CNIH3: variants seen among roughly 807,000 people sequenced by gnomAD.
CNIH3 encodes cornichon family AMPA receptor auxiliary protein 3.
A neutral mutation model predicts 24.1 loss-of-function variants in CNIH3; 14 were observed. The observed-to-expected ratio is 0.58, with a 90% CI of 0.38 to 0.91. The LOEUF is 0.91. Ranked by LOEUF, CNIH3 falls within the 40% of genes least tolerant of loss-of-function variation. CNIH3 has a pLI of 0.00. For missense variants in CNIH3, 178 were observed against 196.8 expected (o/e 0.90, Z 0.57); for synonymous variants, 68 against 73.8 (o/e 0.92, Z 0.40).
At chr1:224,515,100 G>A (rs538994474), upstream of CNIH3, among the ~76,000 whole-genome samples, 1 of 152,322 alleles carries the variant, frequency 6.6e-6, no homozygotes, top group East Asian at 1.9e-4. Flanking sequence ...AGTAGGCAGT[G>A]CCCACTTTTA....
intron 3 of CNIH3, among the ~76,000 whole-genome samples, chr1:224,695,181 C>T (rs146987833): frequency 7.2e-4 from 109 of 152,310 alleles, no homozygotes; most frequent in African/African-American, 2.5e-3. Flanking sequence ...CTTACTGGAG[C>T]AGAAAGACTG....
intron 1 of CNIH3, among the ~76,000 whole-genome samples, chr1:224,630,975 A>G (rs1428044635): frequency 6.6e-6 from 1 of 152,098 alleles, no homozygotes; most frequent in African/African-American, 2.4e-5. Context: ...CCTGGCCAAC[A>G]TGGTGAAGCC....
rs1467846966 is a variant in CNIH3 at position 224,729,756 on chromosome 1, A to ACCACACAAAC, written c.199-704_199-703insACACAAACCC. On this transcript the variant is annotated intron_variant, in intron 3 of 5. Transcript: ENST00000272133. ...TTTTAAGCTCCTTTTACCCATTTAT[A>ACCACACAAAC]CCTGTGTGGCTGGATTGGAGGTGGG... 2.6e-5 allele frequency among the ~76,000 whole-genome samples: 4 copies of ACCACACAAAC among 152,204 alleles called. No homozygotes were observed. In the East Asian group the frequency reaches 7.7e-4, roughly 29 times the overall value.
intron 2 of CNIH3, among the ~76,000 whole-genome samples, chr1:224,682,583 G>A (rs765449817): frequency 1.3e-5 from 2 of 152,178 alleles, no homozygotes; most frequent in Non-Finnish European, 2.9e-5. Context: ...AATCCATTTT[G>A]TTTCCATCTA....
At chr1:224,508,390 A>G (rs1259271560) in intron 1 of CNIH3, among the ~76,000 whole-genome samples, 1 of 152,130 alleles carries the variant, frequency 6.6e-6, no homozygotes, top group African/African-American at 2.4e-5. Flanking sequence ...GCACAGTTGG[A>G]TTTTATACTG....
intron 5 of CNIH3, among the ~76,000 whole-genome samples, chr1:224,735,446 C>T (rs1054509381): frequency 1.3e-5 from 2 of 152,056 alleles, no homozygotes; most frequent in Non-Finnish European, 2.9e-5. Flanking sequence ...GGGACTCTCA[C>T]CTGTCACTTG....
Position 224,498,633 on chromosome 1 carries a change from A to G in CNIH3, n.204-17108A>G, listed in dbSNP as rs1677529197. ...TACAAAAACAGGAAGCTGGCAGTGA[A>G]AGCTATTGGAATTATGTAAATGAAA... On this transcript the variant is annotated intron_variant and non_coding_transcript_variant, in intron 1 of 5. Coordinates refer to the CNIH3 transcript ENST00000471578. Among the ~76,000 whole-genome samples, 4 of 152,194 alleles carry G rather than the reference A, an allele frequency of 2.6e-5. No individual in the cohort carries two copies. In the South Asian group the frequency reaches 8.3e-4, roughly 31 times the overall value.
intron 1 of CNIH3, among the ~76,000 whole-genome samples, chr1:224,504,313 GTCA>G (rs1335799655): frequency 2.0e-5 from 3 of 152,190 alleles, no homozygotes; most frequent in Non-Finnish European, 2.9e-5. Context: ...GTTACCCATT[GTCA>G]TCATCAAATG....
In CNIH3 at chr1:224,730,832, A is replaced by G. The variant is rs563735720; in HGVS notation, c.311+258A>G. On this transcript the variant is annotated intron_variant, in intron 4 of 5. Transcript: ENST00000272133. ...TAAAAGCATCTATAGTTGCATTCAC[A>G]ACAGCCAAAGAGTGGAACCAACCCA... Among the ~76,000 whole-genome samples the G allele has an allele frequency of 4.1e-4, 63 of 152,358 alleles. 1 individual carries two copies. In the South Asian group the frequency reaches 0.012, roughly 30 times the overall value.
intron 5 of CNIH3, among the ~76,000 whole-genome samples, chr1:224,738,877 GTGA>G (rs1424548121): frequency 2.0e-5 from 3 of 152,256 alleles, no homozygotes; most frequent in African/African-American, 7.2e-5. Flanking sequence ...CTTTGCAGTA[GTGA>G]TGATGATCTT....
chr1:224,643,707 G>A (rs753681729), intron 1 of CNIH3, among the ~76,000 whole-genome samples: 1 of 152,180 alleles, frequency 6.6e-6, no homozygotes, highest in Non-Finnish European at 1.5e-5. Flanking sequence ...AAAAAAAGTG[G>A]GGAACAGGGA....
intron 1 of CNIH3, among the ~76,000 whole-genome samples, chr1:224,641,606 G>A (rs915408425): frequency 6.6e-5 from 10 of 152,244 alleles, no homozygotes; most frequent in Non-Finnish European, 1.5e-4. Flanking sequence ...CTGAGTGGAC[G>A]ACGTTGCTAA....
intron 1 of CNIH3, among the ~76,000 whole-genome samples, chr1:224,478,251 A>AC (rs2103007618): frequency 6.6e-6 from 1 of 151,736 alleles, no homozygotes; most frequent in African/African-American, 2.4e-5. Flanking sequence ...TAAACTTTCT[A>AC]CCCCCATCTC....
intron 1 of CNIH3, among the ~76,000 whole-genome samples, chr1:224,439,284 G>A (rs778916926): frequency 3.9e-4 from 59 of 152,294 alleles, no homozygotes; most frequent in Admixed American, 5.2e-4. Context: ...AAGACAGGAC[G>A]ACTGCTTTGC....
chr1:224,646,892 C>T (rs1431331382), intron 1 of CNIH3, among the ~76,000 whole-genome samples: 1 of 152,164 alleles, frequency 6.6e-6, no homozygotes. Flanking sequence ...GTCAGTTAGC[C>T]TAGAGCCCAT....
intron 1 of CNIH3, among the ~76,000 whole-genome samples, chr1:224,625,843 G>A (rs1196866310): frequency 6.6e-6 from 1 of 152,204 alleles, no homozygotes; most frequent in African/African-American, 2.4e-5. Flanking sequence ...GGATGATGTC[G>A]AGGCTGATGC....
chr1:224,724,701 G>T (rs572274192), intron 3 of CNIH3, among the ~76,000 whole-genome samples: 96 of 152,284 alleles, frequency 6.3e-4, no homozygotes, highest in African/African-American at 2.0e-3. Flanking sequence ...AAGGATTGAG[G>T]TTTTTTATGA....
intron 5 of CNIH3, among the ~76,000 whole-genome samples, chr1:224,736,182 A>T (rs1251070184): frequency 6.6e-6 from 1 of 152,112 alleles, no homozygotes; most frequent in Non-Finnish European, 1.5e-5. Flanking sequence ...CTAGACTACA[A>T]TGGCAGGATC....
At chr1:224,473,180 G>A (rs1439851940) in intron 1 of CNIH3, among the ~76,000 whole-genome samples, 1 of 151,908 alleles carries the variant, frequency 6.6e-6, no homozygotes, top group East Asian at 1.9e-4. Flanking sequence ...AACGTACAAT[G>A]GATACACAAA....
Sources: gnomAD v4.1 joint callset for allele counts (sites outside exome capture counted in the v4.1 genomes callset) on GRCh38, gnomAD v4.1.1 for gene constraint, MANE v1.5 for transcripts, NCBI Gene and HGNC (gene_info 2026-07-23, HGNC 2026-07-21) for gene names.